The following TPTE variants were observed in gnomAD, a reference collection of about 807,000 sequenced individuals.
TPTE encodes transmembrane phosphatase with tensin homology.
A neutral mutation model predicts 84.1 loss-of-function variants in TPTE; 59 were observed. The observed-to-expected ratio is 0.70, with a 90% confidence interval of 0.57 to 0.87. The LOEUF (loss-of-function observed/expected upper bound fraction) is 0.87. Ranked by LOEUF, TPTE falls within the 40% of genes least tolerant of loss-of-function variation. The pLI is 0.00. For missense variants in TPTE, 382 were observed against 659.6 expected (o/e 0.58, Z 4.61); for synonymous variants, 130 against 223.5 (o/e 0.58, Z 3.73).
intron 19 of TPTE, among the ~76,000 whole-genome samples, chr21:10,594,623 T>A (rs1409409427): frequency 1.3e-5 from 2 of 152,310 alleles, no homozygotes; most frequent in Non-Finnish European, 2.9e-5. Context: ...GCTAACGGGA[T>A]GCTAGACGGA....
At chr21:10,583,147 T>C (rs1328583493) in intron 17 of TPTE, among the ~76,000 whole-genome samples, 1 of 152,308 alleles carries the variant, frequency 6.6e-6, no homozygotes, top group Non-Finnish European at 1.5e-5. Flanking sequence ...TCTTGAACTT[T>C]ACTTGATAAT....
intron 15 of TPTE, among the ~76,000 whole-genome samples, 166 bp from the exon 16 acceptor site, chr21:10,578,171 A>C: frequency 6.6e-6 from 1 of 152,248 alleles, no homozygotes; most frequent in East Asian, 1.9e-4. Flanking sequence ...TACCATCCTT[A>C]TATTTTTGAA....
At chr21:10,564,709 T>G (rs1000074636) in intron 10 of TPTE, among the ~76,000 whole-genome samples, 10 of 152,312 alleles carry the variant, frequency 6.6e-5, no homozygotes, top group African/African-American at 2.2e-4. Context: ...TGTAAATCAA[T>G]CAATGCGATA....
chr21:10,542,337 AAAATAT>A (rs2074383657), intron 5 of TPTE, 52 bp from the exon 6 acceptor site: 1 of 1,595,836 alleles, frequency 6.3e-7, no homozygotes, highest in Non-Finnish European at 8.6e-7. Flanking sequence ...TAATTTTTCC[AAAATAT>A]AAATTCAGAA....
intron 1 of TPTE, among the ~76,000 whole-genome samples, chr21:10,522,546 C>T (rs1163545664): frequency 2.6e-5 from 4 of 152,308 alleles, no homozygotes; most frequent in African/African-American, 9.6e-5. Context: ...TCTGGACGGG[C>T]AGCATTGTTT....
chr21:10,537,257 A>G (rs998740676), intron 3 of TPTE, among the ~76,000 whole-genome samples: 1 of 152,310 alleles, frequency 6.6e-6, no homozygotes, highest in Admixed American at 6.5e-5. Context: ...AATTCAAACC[A>G]GAAAGTGAAG....
chr21:10,545,355 A>C (rs1325948741), intron 7 of TPTE, among the ~76,000 whole-genome samples: 2 of 152,308 alleles, frequency 1.3e-5, no homozygotes, highest in African/African-American at 4.8e-5. Flanking sequence ...GGAAAAAATG[A>C]TATATTAATA....
chr21:10,556,665 TAAA>T (rs2074690258), intron 8 of TPTE, among the ~76,000 whole-genome samples: 1 of 152,310 alleles, frequency 6.6e-6, no homozygotes, highest in African/African-American at 2.4e-5. Flanking sequence ...ACCAACAGTG[TAAA>T]AGTGTTCAGT....
At chr21:10,552,414 GAC>G (rs1342171005) in intron 7 of TPTE, among the ~76,000 whole-genome samples, 1 of 152,254 alleles carries the variant, frequency 6.6e-6, no homozygotes, top group African/African-American at 2.4e-5. Context: ...TATAGAAAGA[GAC>G]AGAGAGAGAA....
chr21:10,580,148 T>G (rs1396373221), intron 17 of TPTE, among the ~76,000 whole-genome samples: 5 of 152,310 alleles, frequency 3.3e-5, no homozygotes, highest in Non-Finnish European at 5.9e-5. Flanking sequence ...GCCATTTGTG[T>G]GTCTTCTGTT....
intron 7 of TPTE, among the ~76,000 whole-genome samples, chr21:10,547,424 G>C (rs550462909): frequency 1.3e-5 from 2 of 152,428 alleles, no homozygotes; most frequent in East Asian, 3.9e-4. Flanking sequence ...CTCATTGCAG[G>C]GTGAAGGTAG....
intron 17 of TPTE, among the ~76,000 whole-genome samples, chr21:10,583,387 G>A (rs1231631860): frequency 1.3e-5 from 2 of 152,428 alleles, no homozygotes; most frequent in African/African-American, 2.4e-5. Context: ...TTTTTGTAAA[G>A]TAACTTTTTA....
At chr21:10,522,150 C>T (rs1292981205) in intron 1 of TPTE, among the ~76,000 whole-genome samples, 2 of 152,276 alleles carry the variant, frequency 1.3e-5, no homozygotes, top group East Asian at 1.9e-4. Flanking sequence ...TCTTGTCCCC[C>T]CCCAGGATGA....
chr21:10,568,470 T>G (rs2074971562), intron 11 of TPTE, among the ~76,000 whole-genome samples: 1 of 152,294 alleles, frequency 6.6e-6, no homozygotes. Context: ...TGGTGACTCT[T>G]TTTTTACTGT....
intron 17 of TPTE, among the ~76,000 whole-genome samples, chr21:10,579,078 C>T (rs2075221821): frequency 6.6e-6 from 1 of 152,428 alleles, no homozygotes; most frequent in African/African-American, 2.4e-5. Context: ...TTAGCATATG[C>T]ATTACTCCAC....
intron 7 of TPTE, among the ~76,000 whole-genome samples, chr21:10,549,671 A>G (rs1300884264): frequency 1.3e-5 from 2 of 152,306 alleles, no homozygotes; most frequent in African/African-American, 4.8e-5. Flanking sequence ...AAGAATGAAA[A>G]AAGCCTACAG....
intron 17 of TPTE, among the ~76,000 whole-genome samples, chr21:10,586,674 T>C (rs368290592): frequency 0.012 from 1,841 of 149,204 alleles, no homozygotes; most frequent in African/African-American, 0.038. Context: ...TTGGAAGTCA[T>C]ATACTGTTTT....
chr21:10,541,301 G>C, intron 5 of TPTE, 136 bp downstream of exon 5: 1 of 1,244,174 alleles, frequency 8.0e-7, no homozygotes. Flanking sequence ...GTGAAACCCT[G>C]TCTCTACTAA....
intron 8 of TPTE, among the ~76,000 whole-genome samples, chr21:10,554,201 T>A (rs1301963581): frequency 6.6e-6 from 1 of 152,306 alleles, no homozygotes; most frequent in African/African-American, 2.4e-5. Context: ...TGTGTGATAT[T>A]TCATGGTGTA....
Sources: gnomAD v4.1 joint callset for allele counts (sites outside exome capture counted in the v4.1 genomes callset) on GRCh38, gnomAD v4.1.1 for gene constraint, MANE v1.5 for transcripts, NCBI Gene and HGNC (gene_info 2026-07-23, HGNC 2026-07-21) for gene names.